The following COL5A1 variants were observed in gnomAD, a reference collection of about 807,000 sequenced individuals.
The protein encoded by COL5A1 is collagen alpha-1(V) chain.
A neutral mutation model predicts 263.7 loss-of-function variants in COL5A1; 16 were observed. The observed-to-expected ratio is 0.06, with a 90% confidence interval of 0.04 to 0.09. The LOEUF is 0.09. Among genes scored for constraint, COL5A1 ranks in the 10% least tolerant of loss-of-function variants. The pLI, the probability that COL5A1 is intolerant of heterozygous loss-of-function variation, is 1.00. For missense variants in COL5A1, 2,036 were observed against 2,540.5 expected (o/e 0.80, Z 4.27); for synonymous variants, 1,012 against 1,004.5 (o/e 1.01, Z -0.14).
intron 4 of COL5A1, among the ~76,000 whole-genome samples, chr9:134,703,560 C>G (rs1442212980): frequency 2.0e-5 from 3 of 152,022 alleles, no homozygotes; most frequent in Non-Finnish European, 4.4e-5. Context: ...GAGTCACCCC[C>G]ACCGCTGCCT....
chr9:134,773,104 G>C (rs370225916), intron 26 of COL5A1, among the ~76,000 whole-genome samples: 1 of 100,164 alleles, frequency 1.0e-5, no homozygotes, highest in Non-Finnish European at 2.2e-5. Context: ...ATGACCAGAT[G>C]GGGTGTGGGC....
At chr9:134,822,171 T>C in intron 59 of COL5A1, 21 bp downstream of exon 59, 1 of 1,429,374 alleles carries the variant, frequency 7.0e-7, no homozygotes, top group Non-Finnish European at 9.7e-7. Flanking sequence ...GGGAGGGGCT[T>C]GGTCATTCCT....
chr9:134,689,816 C>T (rs1833210091), intron 1 of COL5A1, among the ~76,000 whole-genome samples: 1 of 129,660 alleles, frequency 7.7e-6, no homozygotes, highest in Non-Finnish European at 1.9e-5. Flanking sequence ...CTGGGTTCCT[C>T]CAACTCCCAG....
At position 134,782,261 on chromosome 9, in the gene COL5A1, C is replaced by A. The variant is rs77708322; in HGVS notation, c.2431-406C>A. ...AGGCGTTAGGGATTCTTTGCAGGGG[C>A]ATTTTCATCCAGCTCCCCGTCCTCA... On this transcript the variant is annotated intron_variant, in intron 28 of 65. Transcript: ENST00000371817. Among the ~76,000 whole-genome samples the A allele has an allele frequency of 1.6e-4, 24 of 152,294 alleles. 1 individual carries two copies. The East Asian group carries it at 4.3e-3, about 27-fold the overall frequency.
chr9:134,730,536 G>A, intron 7 of COL5A1, 61 bp downstream of exon 7: 2 of 1,606,960 alleles, frequency 1.2e-6, no homozygotes, highest in Admixed American at 1.7e-5. Context: ...CAGGGCTGGG[G>A]CCACAATGCT....
chr9:134,689,907 T>C (rs1833214385), intron 1 of COL5A1, among the ~76,000 whole-genome samples: 2 of 152,240 alleles, frequency 1.3e-5, no homozygotes, highest in Admixed American at 1.3e-4. Context: ...AGGGAGCCTC[T>C]TGCTCGTGGG....
chr9:134,811,252 TCC>T, intron 44 of COL5A1, 85 bp from the exon 45 acceptor site: 1 of 1,217,318 alleles, frequency 8.2e-7, no homozygotes. Context: ...GATGCATCAG[TCC>T]CCGGGCTCAG....
chr9:134,684,247 G>A (rs1434247301), intron 1 of COL5A1, among the ~76,000 whole-genome samples: 1 of 152,164 alleles, frequency 6.6e-6, no homozygotes, highest in African/African-American at 2.4e-5. Flanking sequence ...ACTGATTTAA[G>A]TTCCCGCTAA....
At chr9:134,651,014 A>C (rs574266996) in intron 1 of COL5A1, among the ~76,000 whole-genome samples, 1 of 152,308 alleles carries the variant, frequency 6.6e-6, no homozygotes, top group African/African-American at 2.4e-5. Flanking sequence ...GCCTCTGTCC[A>C]TTCTCAAGGC....
At chr9:134,683,067 T>C (rs1832908855) in intron 1 of COL5A1, among the ~76,000 whole-genome samples, 2 of 152,202 alleles carry the variant, frequency 1.3e-5, no homozygotes, top group Non-Finnish European at 2.9e-5. Flanking sequence ...CCCTCCCCTC[T>C]GTTCACAGCT....
chr9:134,840,873 G>A lies in COL5A1; in HGVS notation c.5371-1284G>A, dbSNP rs190468409. 1.3e-4 allele frequency among the ~76,000 whole-genome samples: 20 copies of A among 152,250 alleles called. No individual in the cohort carries two copies. The East Asian group carries it at 2.9e-3, about 22-fold the overall frequency. ...AGGACCTCCTCAACTCCCATCGAAC[G>A]GCCCCACCTCCTAATACCATCTTTG... On this transcript the variant is annotated intron_variant, in intron 65 of 65. Transcript: ENST00000371817.
Position 134,700,033 on chromosome 9 carries a change from C to G in COL5A1, c.402C>G (p.Arg134=), listed in dbSNP as rs1833613307. The change falls in exon 3 of 66, where the codon CGC becomes CGG. Residue 134 remains arginine (R), a synonymous_variant. Coordinates refer to ENST00000371817, the MANE Select transcript of COL5A1 (RefSeq NM_000093.5). This position sits in a 1 kb window ranked among gnomAD's most constrained non-coding sequence, Gnocchi z 4.0. ...GIQQIGLELG[R]SPVFLYEDHT... ...AGCAGATTGGGCTGGAGCTGGGCCG[C>G]TCTCCCGTCTTCCTCTACGAGGACC... is the stretch of plus-strand genomic sequence containing the variant. 1.2e-6 allele frequency: 2 copies of G among 1,613,510 alleles called. No homozygotes were observed. The highest frequency in any genetic ancestry group is 1.3e-5 in the African/African-American group (1 of 74,950).
intron 1 of COL5A1, among the ~76,000 whole-genome samples, chr9:134,658,405 G>C (rs1832090816): frequency 6.6e-6 from 1 of 152,164 alleles, no homozygotes; most frequent in Admixed American, 6.5e-5. Context: ...CAGTTCTGCT[G>C]GGACAGCCCT....
intron 18 of COL5A1, among the ~76,000 whole-genome samples, chr9:134,759,505 GCACA>G (rs200525031): frequency 1.0e-5 from 1 of 97,274 alleles, no homozygotes; most frequent in Non-Finnish European, 1.9e-5. Flanking sequence ...ATACACACAT[GCACA>G]CACACATACA....
At chr9:134,768,528 C>G in intron 25 of COL5A1, 65 bp downstream of exon 25, 1 of 1,516,094 alleles carries the variant, frequency 6.6e-7, no homozygotes, top group Non-Finnish European at 9.2e-7. Flanking sequence ...GATAGGGCTG[C>G]AGGCCCAGGC....
Position 134,769,627 on chromosome 9 carries a change from G to A in COL5A1, c.2286+1164G>A, listed in dbSNP as rs140517585. Among the ~76,000 whole-genome samples the A allele has an allele frequency of 4.0e-4, 61 of 152,364 alleles. No homozygotes were observed. In the East Asian group the frequency reaches 0.012, roughly 29 times the overall value. On this transcript the variant is annotated intron_variant, in intron 25 of 65. Transcript: ENST00000371817. ...GTTTTCTGTTCCCGTGCTGCTGGCT[G>A]TGGTGTCCATGGAGTATGGGCCGCA...
intron 12 of COL5A1, 40 bp from the exon 13 acceptor site, chr9:134,750,750 C>T (rs761956987): frequency 6.9e-6 from 11 of 1,605,736 alleles, no homozygotes; most frequent in Middle Eastern, 1.6e-4. Flanking sequence ...CTGGGTGCCA[C>T]GTCACTGCTC....
chr9:134,815,911 A>G (rs1564478466), intron 51 of COL5A1, 24 bp from the exon 52 acceptor site: 1 of 1,614,016 alleles, frequency 6.2e-7, no homozygotes, highest in Admixed American at 1.7e-5. Context: ...GGGTTCAGCA[A>G]GGAGCTCGCT....
chr9:134,781,391 G>A lies in COL5A1; in HGVS notation c.2430+1245G>A, dbSNP rs149143738. The stretch of plus-strand genomic sequence containing the variant: ...CCTCTCCAAGAGCACTGCTTTCTAC[G>A]TGGAGCCCGTCGGGGCTTCGGAACA... On this transcript the variant is annotated intron_variant, in intron 28 of 65. Coordinates refer to ENST00000371817, the MANE Select transcript of COL5A1 (RefSeq NM_000093.5). 5.0e-3 allele frequency among the ~76,000 whole-genome samples: 755 copies of A among 152,358 alleles called. 7 individuals carry two copies. Among genetic ancestry groups the A allele is most frequent in the African/African-American group, 0.017 (726 of 41,588 alleles).
Sources: gnomAD v4.1 joint callset for allele counts (sites outside exome capture counted in the v4.1 genomes callset) on GRCh38, gnomAD v4.1.1 for gene constraint, Gnocchi (gnomAD v3.1) non-coding constraint, MANE v1.5 for transcripts, NCBI Gene and HGNC (gene_info 2026-07-23, HGNC 2026-07-21) for gene names.